Variants in COL24A1 observed in about 807,000 individuals in gnomAD.
COL24A1 encodes collagen type XXIV alpha 1 chain.
In COL24A1, 224 loss-of-function variants were observed where a neutral mutation model predicts 253.9. The observed-to-expected ratio is 0.88, with a 90% CI of 0.79 to 0.99. COL24A1 has a LOEUF of 0.99. Among genes scored for constraint, COL24A1 ranks in the 50% least tolerant of loss-of-function variants. COL24A1 has a pLI of 0.00. For missense variants in COL24A1, 2,131 were observed against 2,068.5 expected, an observed-to-expected ratio of 1.03 and a Z score of -0.59; for synonymous variants, 685 against 673.7, an observed-to-expected ratio of 1.02 and a Z score of -0.26.
chr1:85,874,840 T>C (rs1564518), intron 34 of COL24A1, 138 bp from the exon 35 acceptor site: 623,075 of 787,110 alleles, frequency 0.79, 249,058 homozygotes, highest in Non-Finnish European at 0.83. Flanking sequence ...GGAAATGGGC[T>C]GCAAAACAGC....
intron 19 of COL24A1, among the ~76,000 whole-genome samples, chr1:86,005,194 TAA>T (rs1006638489): frequency 6.6e-6 from 1 of 151,992 alleles, no homozygotes; most frequent in African/African-American, 2.4e-5. Flanking sequence ...AAAACAAAAA[TAA>T]GTTAAGATAC....
intron 19 of COL24A1, among the ~76,000 whole-genome samples, chr1:86,015,506 G>GA (rs1696906369): frequency 6.6e-6 from 1 of 152,048 alleles, no homozygotes; most frequent in Non-Finnish European, 1.5e-5. Context: ...TGAGAAAGAA[G>GA]AAAAATGACT....
chr1:85,790,757 T>C (rs1275653212), intron 47 of COL24A1, among the ~76,000 whole-genome samples: 1 of 152,214 alleles, frequency 6.6e-6, no homozygotes, highest in Non-Finnish European at 1.5e-5. Context: ...AATTTTCTTA[T>C]TGAATTAGAT....
chr1:85,827,760 C>T (rs1005182010), intron 43 of COL24A1, among the ~76,000 whole-genome samples: 7 of 152,154 alleles, frequency 4.6e-5, no homozygotes, highest in Middle Eastern at 6.8e-3. Flanking sequence ...TCTGTGGGAT[C>T]AGTGGTGATA....
chr1:85,797,044 C>CA (rs149029376), intron 47 of COL24A1, among the ~76,000 whole-genome samples: 6,523 of 137,992 alleles, frequency 0.047, 207 homozygotes, highest in Admixed American at 0.091. Flanking sequence ...ACCAAAAATA[C>CA]AAAAAAAAAA....
At chr1:85,742,835 A>G (rs1664803674) in intron 57 of COL24A1, among the ~76,000 whole-genome samples, 1 of 152,160 alleles carries the variant, frequency 6.6e-6, no homozygotes, top group Admixed American at 6.5e-5. Flanking sequence ...AATTTTTGCA[A>G]TCAGACCTTG....
intron 43 of COL24A1, among the ~76,000 whole-genome samples, chr1:85,835,188 T>G (rs1468785341): frequency 1.4e-5 from 2 of 144,438 alleles, no homozygotes; most frequent in Non-Finnish European, 3.1e-5. Context: ...GGCATGATCT[T>G]GGCTCACTGC....
chr1:85,830,267 G>A (rs1236492868), intron 43 of COL24A1, among the ~76,000 whole-genome samples: 2 of 152,122 alleles, frequency 1.3e-5, no homozygotes, highest in Non-Finnish European at 2.9e-5. Context: ...ACTTGAGGAG[G>A]CAGTCTGCCC....
intron 19 of COL24A1, among the ~76,000 whole-genome samples, chr1:86,001,080 T>TTAATAC (rs536062478): frequency 0.01 from 1,563 of 152,338 alleles, 37 homozygotes; most frequent in African/African-American, 0.035. Flanking sequence ...AGTGATGTTT[T>TTAATAC]ATCTTGGAAC....
In COL24A1 at chr1:86,031,940, T is replaced by C; in HGVS notation, c.2005-18A>G. 1 of 1,604,010 alleles carries C rather than the reference T, an allele frequency of 6.2e-7. No individual in the cohort carries two copies. The highest frequency in any genetic ancestry group is 2.2e-5 in the East Asian group (1 of 44,580). ...ACAAGTCCCTATTGTAAAAGAAATT[T>C]GCAATACTTATTAAATTTGATTCCC... On this transcript the variant is annotated intron_variant, in intron 13 of 59. Transcript: ENST00000370571.
Position 85,734,810 on chromosome 1 carries a change from T to C in COL24A1, c.4937A>G (p.Asn1646Ser), listed in dbSNP as rs1663873542. 1 of 1,593,056 alleles carries C rather than the reference T, an allele frequency of 6.3e-7. No homozygotes were observed. The highest frequency in any genetic ancestry group is 8.6e-7 in the Non-Finnish European group (1 of 1,162,390). Residue 1646 changes from asparagine to serine, a missense_variant, in exon 59 of 60, where the codon AAT (asparagine) becomes AGT (serine). Asn to Ser is a conservative substitution (Grantham distance 46). Coordinates refer to ENST00000370571, the MANE Select transcript of COL24A1 (RefSeq NM_152890.7). ...AGTGTTTACTTTAAAAATCTGGCCA[T>C]TCCATCCCTTGAAACCAATAGGCAA... is the stretch of plus-strand genomic sequence containing the variant. ...PGLPIGFKGWNGQIFKVNTLL... is the reference protein window; with the variant it reads ...PGLPIGFKGWSGQIFKVNTLL...
chr1:86,031,950 A>T, intron 13 of COL24A1, 28 bp from the exon 14 acceptor site: 1 of 1,571,980 alleles, frequency 6.4e-7, no homozygotes, highest in Admixed American at 1.7e-5. Context: ...TGCAATACTT[A>T]TTAAATTTGA....
intron 43 of COL24A1, among the ~76,000 whole-genome samples, chr1:85,837,793 T>G (rs17128393): frequency 0.011 from 1,730 of 152,114 alleles, 42 homozygotes; most frequent in African/African-American, 0.039. Flanking sequence ...TAAGCAAAGA[T>G]TACATAATAT....
chr1:86,064,741 G>T (rs962727494), intron 7 of COL24A1, among the ~76,000 whole-genome samples: 1 of 152,186 alleles, frequency 6.6e-6, no homozygotes, highest in Non-Finnish European at 1.5e-5. Flanking sequence ...ATCACTGAGG[G>T]TTTATCAGAA....
At chr1:85,839,207 ACAG>A (rs1319466293) in intron 42 of COL24A1, among the ~76,000 whole-genome samples, 1 of 152,102 alleles carries the variant, frequency 6.6e-6, no homozygotes, top group African/African-American at 2.4e-5. Context: ...TCAAACAACA[ACAG>A]CAGCAACAGC....
At chr1:85,976,771 C>T (rs1022010309) in intron 20 of COL24A1, among the ~76,000 whole-genome samples, 1 of 152,128 alleles carries the variant, frequency 6.6e-6, no homozygotes, top group Non-Finnish European at 1.5e-5. Context: ...CAAAATAACC[C>T]TACTCCAAGG....
chr1:86,137,531 A>G (rs1650439262), intron 2 of COL24A1, among the ~76,000 whole-genome samples: 1 of 152,182 alleles, frequency 6.6e-6, no homozygotes, highest in African/African-American at 2.4e-5. Context: ...ACTTCTTAAC[A>G]TGGTGAAATT....
intron 47 of COL24A1, among the ~76,000 whole-genome samples, chr1:85,814,939 A>G (rs2101912116): frequency 6.6e-6 from 1 of 152,256 alleles, no homozygotes; most frequent in East Asian, 1.9e-4. Flanking sequence ...CTGAGAACAA[A>G]TGACTTCCTG....
At chr1:85,918,045 T>A (rs1686070346) in intron 24 of COL24A1, among the ~76,000 whole-genome samples, 1 of 152,146 alleles carries the variant, frequency 6.6e-6, no homozygotes, top group Non-Finnish European at 1.5e-5. Flanking sequence ...CTTCTTGTGA[T>A]AAATCACCTG....
Sources: allele counts gnomAD v4.1 joint callset (sites outside exome capture counted in the v4.1 genomes callset), GRCh38; gene constraint gnomAD v4.1.1; transcripts MANE v1.5; gene names NCBI Gene and HGNC (gene_info 2026-07-23, HGNC 2026-07-21).